Variants in NLGN1 observed in about 807,000 individuals in gnomAD.
NLGN1 encodes the protein neuroligin-1.
In NLGN1, 12 loss-of-function variants were observed where a neutral mutation model predicts 65.5. The observed-to-expected ratio is 0.18, with a 90% CI of 0.12 to 0.30. The LOEUF (loss-of-function observed/expected upper bound fraction) is 0.30, where lower values mean the gene tolerates loss of function less well. NLGN1 is among the 10% of genes least tolerant of loss of function. The pLI is 1.00. For synonymous variants in NLGN1, 350 were observed against 359.5 expected (o/e 0.97, Z 0.30); for missense variants, 750 against 1,007.1 (o/e 0.74, Z 3.46).
At chr3:173,778,872 G>GT (rs1405393639) in intron 3 of NLGN1, among the ~76,000 whole-genome samples, 1 of 151,426 alleles carries the variant, frequency 6.6e-6, no homozygotes, top group Non-Finnish European at 1.5e-5. Context: ...ATGACAAAAG[G>GT]TTGTGATATC....
intron 4 of NLGN1, among the ~76,000 whole-genome samples, chr3:174,203,896 G>T (rs1385541434): frequency 1.3e-5 from 2 of 151,988 alleles, no homozygotes; most frequent in African/African-American, 2.4e-5. Flanking sequence ...AATTTCCTGG[G>T]TAGATATTAT....
chr3:174,068,626 AGACT>A (rs200143367), intron 4 of NLGN1, among the ~76,000 whole-genome samples: 3,132 of 152,278 alleles, frequency 0.021, 51 homozygotes, highest in Non-Finnish European at 0.03. Flanking sequence ...TATTTGCCTT[AGACT>A]GACTATTTGC....
intron 4 of NLGN1, among the ~76,000 whole-genome samples, chr3:174,266,046 ATT>A (rs57391307): frequency 3.4e-5 from 5 of 145,458 alleles, no homozygotes; most frequent in African/African-American, 7.6e-5. Context: ...ATATATATAT[ATT>A]TTTTTTTTCT....
intron 3 of NLGN1, among the ~76,000 whole-genome samples, chr3:173,651,496 T>A (rs559910928): frequency 5.9e-5 from 9 of 152,264 alleles, no homozygotes; most frequent in African/African-American, 2.2e-4. Context: ...GATTGCTGGA[T>A]TGAATGGTAG....
At chr3:173,771,009 G>A (rs537201559) in intron 3 of NLGN1, among the ~76,000 whole-genome samples, 250 of 152,222 alleles carry the variant, frequency 1.6e-3, no homozygotes, top group Non-Finnish European at 3.0e-3. Context: ...AGCTGGCAGC[G>A]TTCTTTCACC....
chr3:173,937,349 A>G (rs1745244876), intron 4 of NLGN1, among the ~76,000 whole-genome samples: 1 of 152,114 alleles, frequency 6.6e-6, no homozygotes, highest in Non-Finnish European at 1.5e-5. Flanking sequence ...GTTGAGATAT[A>G]TACAAATAGA....
intron 4 of NLGN1, among the ~76,000 whole-genome samples, chr3:174,129,314 C>G (rs748679827): frequency 1.3e-4 from 20 of 150,100 alleles, no homozygotes; most frequent in Non-Finnish European, 2.7e-4. Flanking sequence ...TTCAACTCAC[C>G]ACCTGTTGCT....
At chr3:173,917,374 T>C (rs1179018122) in intron 4 of NLGN1, among the ~76,000 whole-genome samples, 1 of 152,190 alleles carries the variant, frequency 6.6e-6, no homozygotes, top group Non-Finnish European at 1.5e-5. Context: ...GTTACTTCTT[T>C]TGTAAAAATG....
intron 4 of NLGN1, among the ~76,000 whole-genome samples, chr3:174,103,170 T>C (rs144647715): frequency 6.6e-6 from 1 of 152,278 alleles, no homozygotes; most frequent in East Asian, 1.9e-4. Context: ...GTGAGTAACA[T>C]TGCATTTTTC....
chr3:173,521,241 A>G (rs1486686834), intron 2 of NLGN1, among the ~76,000 whole-genome samples: 2 of 152,226 alleles, frequency 1.3e-5, no homozygotes, highest in East Asian at 3.8e-4. Flanking sequence ...TTGGTATTTC[A>G]TAAGTGAAGG....
chr3:174,258,969 C>G (rs1014739826), intron 4 of NLGN1, among the ~76,000 whole-genome samples: 1 of 152,020 alleles, frequency 6.6e-6, no homozygotes, highest in African/African-American at 2.4e-5. Flanking sequence ...TTAAATGTTT[C>G]TGTAATACTG....
chr3:173,534,703 T>A (rs1179780073), intron 2 of NLGN1, among the ~76,000 whole-genome samples: 1 of 152,190 alleles, frequency 6.6e-6, no homozygotes, highest in Non-Finnish European at 1.5e-5. Context: ...AGTGGGAAAT[T>A]AAGGCCAAGA....
At chr3:173,912,707 G>GA (rs1431239126) in intron 4 of NLGN1, 2 of 152,128 alleles carry the variant, frequency 1.3e-5, no homozygotes, top group Admixed American at 6.5e-5. Context: ...AAATTTTGAT[G>GA]AAAAAACGTG....
At chr3:173,746,043 A>G (rs80356095) in intron 3 of NLGN1, among the ~76,000 whole-genome samples, 4,649 of 152,140 alleles carry the variant, frequency 0.031, 96 homozygotes, top group East Asian at 0.1. Context: ...AGTAGATTAT[A>G]AAGGTAATTA....
At chr3:173,963,807 A>AT (rs1486138036) in intron 4 of NLGN1, among the ~76,000 whole-genome samples, 1 of 152,206 alleles carries the variant, frequency 6.6e-6, no homozygotes, top group Non-Finnish European at 1.5e-5. Context: ...ACAGACACCC[A>AT]TTCCTGGTGA....
At chr3:174,064,879 A>G (rs1738181935) in intron 4 of NLGN1, among the ~76,000 whole-genome samples, 1 of 150,580 alleles carries the variant, frequency 6.6e-6, no homozygotes, top group Admixed American at 6.6e-5. Context: ...TAAGTACTAT[A>G]TATTAAGTAC....
chr3:174,167,194 A>G (rs537257757), intron 4 of NLGN1, among the ~76,000 whole-genome samples: 17 of 152,214 alleles, frequency 1.1e-4, no homozygotes, highest in South Asian at 2.1e-4. Flanking sequence ...CAAGGTTAAT[A>G]TTGATATATG....
At chr3:173,562,885 C>T (rs1024997604) in intron 2 of NLGN1, among the ~76,000 whole-genome samples, 1 of 152,148 alleles carries the variant, frequency 6.6e-6, no homozygotes, top group Non-Finnish European at 1.5e-5. Context: ...GCTAAGGACA[C>T]AATAACTTTC....
At chr3:173,682,026 G>A (rs1764009243) in intron 3 of NLGN1, among the ~76,000 whole-genome samples, 1 of 152,162 alleles carries the variant, frequency 6.6e-6, no homozygotes, top group Admixed American at 6.5e-5. Context: ...GCTGTGAAAT[G>A]TGTTAGAACT....
Sources: gnomAD v4.1 joint callset for allele counts (sites outside exome capture counted in the v4.1 genomes callset) on GRCh38, gnomAD v4.1.1 for gene constraint, MANE v1.5 for transcripts, NCBI Gene and HGNC (gene_info 2026-07-23, HGNC 2026-07-21) for gene names.